GATAD2A: variants seen among roughly 807,000 people sequenced by gnomAD.
GATAD2A encodes transcriptional repressor p66-alpha.
A neutral mutation model predicts 68.5 loss-of-function variants in GATAD2A; 12 were observed. That is an observed-to-expected ratio of 0.18 (90% CI 0.11 to 0.28). GATAD2A has a LOEUF of 0.28. Among genes scored for constraint, GATAD2A ranks in the 10% least tolerant of loss-of-function variants. The pLI is 1.00. For missense variants in GATAD2A, 755 were observed against 868.5 expected (o/e 0.87, Z 1.64); for synonymous variants, 410 against 375.3 (o/e 1.09, Z -1.07).
intron 1 of GATAD2A, among the ~76,000 whole-genome samples, chr19:19,424,865 G>C (rs962980156): frequency 6.6e-6 from 1 of 151,952 alleles, no homozygotes; most frequent in African/African-American, 2.4e-5. Flanking sequence ...TGTAATCCCA[G>C]CACTTTGGGA....
chr19:19,496,846 G>T (rs549366086), intron 7 of GATAD2A, among the ~76,000 whole-genome samples: 1 of 152,184 alleles, frequency 6.6e-6, no homozygotes, highest in South Asian at 2.1e-4. Context: ...GGTCTGCAGG[G>T]GCTTTTGTTG....
intron 1 of GATAD2A, among the ~76,000 whole-genome samples, chr19:19,438,377 G>C (rs958655312): frequency 6.6e-6 from 1 of 152,200 alleles, no homozygotes; most frequent in African/African-American, 2.4e-5. Context: ...AAATAGCTGG[G>C]ACTGCCAGGT....
In GATAD2A at chr19:19,433,783, C is replaced by G. The variant is rs529965350; in HGVS notation, c.-7+27764C>G. Among the ~76,000 whole-genome samples the G allele has an allele frequency of 2.6e-5, 4 of 152,282 alleles. No individual in the cohort carries two copies. The East Asian group carries it at 7.7e-4, about 29-fold the overall frequency. ...TGCAAGGAGTACCTCCCCATACCCC[C>G]CCTTTTTTTGAGACAAGGTCTTGCT... On this transcript the variant is annotated intron_variant, in intron 1 of 11. Coordinates refer to ENST00000683918, the MANE Select transcript of GATAD2A (RefSeq NM_001384528.1).
At chr19:19,476,344 C>T (rs1171450156) in intron 2 of GATAD2A, among the ~76,000 whole-genome samples, 2 of 152,232 alleles carry the variant, frequency 1.3e-5, no homozygotes, top group Non-Finnish European at 2.9e-5. Context: ...TCTGATATCT[C>T]CTCCCAGCAT....
intron 1 of GATAD2A, among the ~76,000 whole-genome samples, chr19:19,457,916 T>C (rs973543574): frequency 1.3e-5 from 2 of 152,108 alleles, no homozygotes; most frequent in Non-Finnish European, 2.9e-5. Context: ...CTCCAACTCA[T>C]GCAGGCTCTC....
In GATAD2A at chr19:19,505,676, A is replaced by G; in HGVS notation, c.*202A>G. 1 of 496,630 alleles carries G rather than the reference A, an allele frequency of 2.0e-6. No homozygotes were observed. The highest frequency in any genetic ancestry group is 3.5e-6 in the Non-Finnish European group (1 of 286,028). 30.8% of individuals were successfully genotyped at this position (496,630 alleles called of 1,614,324 possible). A position where few individuals can be genotyped will look rare whatever the true frequency, so the allele number is the denominator to read the frequency against. On this transcript the variant is annotated 3_prime_UTR_variant, in exon 12 of 12. Coordinates refer to ENST00000683918, the MANE Select transcript of GATAD2A (RefSeq NM_001384528.1). ...GGCTAGGGGGCTGGTGCCGCCTCATAGGCAGACGAGGATCATCGCTGGGGG... is the reference window on the plus strand; with the variant it reads ...GGCTAGGGGGCTGGTGCCGCCTCATGGGCAGACGAGGATCATCGCTGGGGG...
intron 1 of GATAD2A, among the ~76,000 whole-genome samples, chr19:19,436,721 G>A (rs1405758171): frequency 1.3e-5 from 2 of 152,246 alleles, no homozygotes; most frequent in Non-Finnish European, 2.9e-5. Flanking sequence ...CTGTACCAGG[G>A]CATTGCTGGG....
intron 2 of GATAD2A, among the ~76,000 whole-genome samples, chr19:19,469,324 T>C (rs1364039554): frequency 1.3e-5 from 2 of 150,368 alleles, no homozygotes; most frequent in Non-Finnish European, 3.0e-5. Context: ...CCCAGCTACT[T>C]GGGAGGCTGA....
intron 2 of GATAD2A, among the ~76,000 whole-genome samples, chr19:19,483,124 A>G (rs2059173071): frequency 6.6e-6 from 1 of 152,096 alleles, no homozygotes; most frequent in Non-Finnish European, 1.5e-5. Flanking sequence ...CGGGCACTGC[A>G]TGGGGCTCCT....
rs184891926 is a variant in GATAD2A at position 19,438,879 on chromosome 19, T to C, written c.-6-26461T>C. Among the ~76,000 whole-genome samples the C allele has an allele frequency of 1.9e-3, 290 of 152,378 alleles. 1 individual carries two copies. The highest frequency in any genetic ancestry group is 6.8e-3 in the African/African-American group (282 of 41,592). On this transcript the variant is annotated intron_variant, in intron 1 of 11. Coordinates refer to ENST00000683918, the MANE Select transcript of GATAD2A (RefSeq NM_001384528.1). ...CAGGACTTATAAATGTGTCAGCTTG[T>C]GTGCACTTTTTGTTGTGGGTGTGTA...
At chr19:19,435,238 T>C (rs1394510909) in intron 1 of GATAD2A, 1 of 458,996 alleles carries the variant, frequency 2.2e-6, no homozygotes, top group Non-Finnish European at 4.7e-6. Context: ...GGGTTGTTTT[T>C]TGAGACAGGG....
upstream of GATAD2A, among the ~76,000 whole-genome samples, chr19:19,405,031 C>T (rs574508985): frequency 6.6e-6 from 1 of 152,286 alleles, no homozygotes; most frequent in South Asian, 2.1e-4. Flanking sequence ...GTGTTTCCTC[C>T]TTGTTACTGG....
Position 19,414,570 on chromosome 19 carries a change from C to T in GATAD2A, c.-7+8551C>T, listed in dbSNP as rs574087537. The stretch of plus-strand genomic sequence containing the variant: ...TTTTTTTTTTTGAAACAGAGTCTTG[C>T]TCCATTGTCCAGTCTGGAGGGCAGT... On this transcript the variant is annotated intron_variant, in intron 1 of 11. Coordinates refer to ENST00000683918, the MANE Select transcript of GATAD2A (RefSeq NM_001384528.1). 2.5e-5 allele frequency among the ~76,000 whole-genome samples: 3 copies of T among 118,198 alleles called. No individual in the cohort carries two copies. The Admixed American group carries it at 3.4e-4, about 13-fold the overall frequency. 77.5% of individuals were successfully genotyped at this position (118,198 alleles called of 152,430 possible).
intron 1 of GATAD2A, among the ~76,000 whole-genome samples, chr19:19,422,851 A>G (rs559728435): frequency 4.6e-5 from 7 of 151,670 alleles, no homozygotes; most frequent in Admixed American, 3.9e-4. Flanking sequence ...AGCTGGGACT[A>G]CAGGCGCCCA....
intron 1 of GATAD2A, 63 bp from the exon 2 acceptor site, chr19:19,465,277 T>G: frequency 7.8e-7 from 1 of 1,276,524 alleles, no homozygotes. Context: ...CTGAAAAGTC[T>G]CCAAGAAGGT....
chr19:19,495,635 A>T (rs919194932), intron 5 of GATAD2A, 119 bp from the exon 6 acceptor site: 10 of 188,768 alleles, frequency 5.3e-5, no homozygotes, highest in Middle Eastern at 1.6e-3. Context: ...TCTGCTACTT[A>T]AAAAAAAAAA....
At chr19:19,502,161 C>T (rs916555669) in intron 10 of GATAD2A, 118 bp downstream of exon 10, 2 of 894,858 alleles carry the variant, frequency 2.2e-6, no homozygotes, top group Non-Finnish European at 3.5e-6. Context: ...GTTTCACTCT[C>T]TCCCCTCCCC....
intron 7 of GATAD2A, among the ~76,000 whole-genome samples, chr19:19,496,590 A>T (rs1457366108): frequency 2.0e-5 from 3 of 152,208 alleles, no homozygotes; most frequent in Admixed American, 2.0e-4. Context: ...ATGGGCCCGG[A>T]GATGCCTTGG....
intron 1 of GATAD2A, chr19:19,434,918 G>T (rs1187741369): frequency 1.1e-5 from 3 of 282,702 alleles, no homozygotes; most frequent in South Asian, 2.9e-5. Flanking sequence ...TCATTCCCAG[G>T]CACATCATGC....
Sources: allele counts gnomAD v4.1 joint callset (sites outside exome capture counted in the v4.1 genomes callset), GRCh38; gene constraint gnomAD v4.1.1; transcripts MANE v1.5; gene names NCBI Gene and HGNC (gene_info 2026-07-23, HGNC 2026-07-21).